Variants in ARCN1 observed in about 807,000 individuals in gnomAD.
ARCN1 encodes coatomer subunit delta.
In ARCN1, 5 loss-of-function variants were observed where a neutral mutation model predicts 60.4. That is an observed-to-expected ratio of 0.08 (90% CI 0.04 to 0.17). ARCN1 has a LOEUF of 0.17. Ranked by LOEUF, ARCN1 falls within the 10% of genes least tolerant of loss-of-function variation. ARCN1 has a pLI of 1.00. For missense variants in ARCN1, 464 were observed against 626.5 expected (o/e 0.74, Z 2.77); for synonymous variants, 224 against 220.0 (o/e 1.02, Z -0.16).
At chr11:118,598,955 G>T (rs1028394807) in intron 9 of ARCN1, among the ~76,000 whole-genome samples, 1 of 149,372 alleles carries the variant, frequency 6.7e-6, no homozygotes, top group Non-Finnish European at 1.5e-5. Context: ...CACCATGCCT[G>T]GCTAATTTTT....
intron 2 of ARCN1, among the ~76,000 whole-genome samples, chr11:118,582,070 G>GA (rs1938668283): frequency 6.6e-6 from 1 of 152,096 alleles, no homozygotes; most frequent in Non-Finnish European, 1.5e-5. Context: ...GAGGCAGAAG[G>GA]ATTGCTTGAG....
At chr11:118,594,534 TTTTA>T (rs1217047846) in intron 8 of ARCN1, among the ~76,000 whole-genome samples, 3 of 151,934 alleles carry the variant, frequency 2.0e-5, no homozygotes, top group Admixed American at 6.6e-5. Flanking sequence ...CTGGAGCTGT[TTTTA>T]TTTATTTATT....
chr11:118,579,484 C>A (rs1038984191), intron 1 of ARCN1, among the ~76,000 whole-genome samples: 2 of 146,402 alleles, frequency 1.4e-5, no homozygotes, highest in African/African-American at 5.1e-5. Flanking sequence ...CCAGCCTGGC[C>A]AACCAACATG....
chr11:118,573,989 A>G (rs1348072934), intron 1 of ARCN1, among the ~76,000 whole-genome samples: 1 of 152,228 alleles, frequency 6.6e-6, no homozygotes, highest in Admixed American at 6.5e-5. Flanking sequence ...CTTGTATTAT[A>G]TAAACCAGAT....
intron 9 of ARCN1, among the ~76,000 whole-genome samples, chr11:118,598,999 G>A (rs1374884401): frequency 6.6e-6 from 1 of 151,710 alleles, no homozygotes; most frequent in African/African-American, 2.4e-5. Context: ...TCACCATATC[G>A]GTCAGGCTGG....
intron 2 of ARCN1, among the ~76,000 whole-genome samples, chr11:118,582,657 T>C (rs557058933): frequency 2.0e-3 from 261 of 133,576 alleles, no homozygotes; most frequent in Middle Eastern, 8.4e-3. Context: ...ACCCAGGAGG[T>C]GGGGGTTGCA....
At position 118,581,929 on chromosome 11, in the gene ARCN1, G is replaced by GACACACACACACAC. The variant is rs1179195532; in HGVS notation, c.267+423_267+424insCACACACACACACA. Among the ~76,000 whole-genome samples the GACACACACACACAC allele has an allele frequency of 7.8e-3, 1,030 of 132,334 alleles. 17 individuals are homozygous for GACACACACACACAC. Among genetic ancestry groups the GACACACACACACAC allele is most frequent in the East Asian group, 0.047 (148 of 3,170 alleles). The allele number at this position is 132,334 out of a possible 152,430, so 86.8% of individuals were successfully genotyped here. The stretch of plus-strand genomic sequence containing the variant: ...AGACTTACTGATCCAGAGACAGACA[G>GACACACACACACAC]ACAGACAGACACACACACACACACA... On this transcript the variant is annotated intron_variant, in intron 2 of 9. Coordinates refer to ENST00000264028, the MANE Select transcript of ARCN1 (RefSeq NM_001655.5).
At position 118,581,325 on chromosome 11, in the gene ARCN1, G is replaced by A. The variant is rs1329762657; in HGVS notation, c.83G>A (p.Arg28Gln). The A allele has an allele frequency of 7.4e-6, 12 of 1,614,060 alleles. No individual in the cohort carries two copies. The highest frequency in any genetic ancestry group is 2.2e-5 in the South Asian group (2 of 91,076). Residue 28 changes from arginine to glutamine, a missense_variant, in exon 2 of 10, where the codon CGG becomes CAG. Transcript: ENST00000264028. ...CAGTTTGTGGAAATGACCCGAACTC[G>A]GATTGAGGGCTTATTAGCAGCTTTT... ...SRQFVEMTRT[R>Q]IEGLLAAFPK...
At chr11:118,582,450 C>T (rs1165505947) in intron 2 of ARCN1, among the ~76,000 whole-genome samples, 3 of 151,142 alleles carry the variant, frequency 2.0e-5, no homozygotes, top group Admixed American at 6.6e-5. Flanking sequence ...GGGTCTTGGG[C>T]GTGGTGGCTC....
At chr11:118,573,450 C>G (rs1222640900) in intron 1 of ARCN1, among the ~76,000 whole-genome samples, 1 of 152,210 alleles carries the variant, frequency 6.6e-6, no homozygotes, top group African/African-American at 2.4e-5. Context: ...GAAATCAGAA[C>G]TGCTGACATC....
intron 1 of ARCN1, among the ~76,000 whole-genome samples, chr11:118,573,352 C>T (rs1299544167): frequency 1.3e-5 from 2 of 152,232 alleles, no homozygotes; most frequent in South Asian, 2.1e-4. Flanking sequence ...GGTTAGCCTC[C>T]GAGACCAGTT....
chr11:118,589,048 C>T (rs1555075876), intron 5 of ARCN1, among the ~76,000 whole-genome samples: 1 of 152,068 alleles, frequency 6.6e-6, no homozygotes, highest in Non-Finnish European at 1.5e-5. Flanking sequence ...GCTAAAAAAA[C>T]TATCAGTGTA....
At chr11:118,573,267 T>C (rs560987071) in intron 1 of ARCN1, among the ~76,000 whole-genome samples, 4 of 152,204 alleles carry the variant, frequency 2.6e-5, no homozygotes, top group African/African-American at 9.7e-5. Context: ...AAGGAACTTA[T>C]TGTCCAGGTG....
Position 118,595,791 on chromosome 11 carries a change from G to A in ARCN1, c.1242-1916G>A, listed in dbSNP as rs577830249. Among the ~76,000 whole-genome samples the A allele has an allele frequency of 8.5e-5, 13 of 152,362 alleles. No homozygotes were observed. The South Asian group carries it at 2.7e-3, about 32-fold the overall frequency. The stretch of plus-strand genomic sequence containing the variant: ...CAGAGAAAATGGTACTAATTTGCCA[G>A]GCGCAGTGGCTCACGCCTGTAATCC... On this transcript the variant is annotated intron_variant, in intron 8 of 9. Transcript: ENST00000264028.
intron 8 of ARCN1, among the ~76,000 whole-genome samples, chr11:118,597,215 A>G (rs1939045398): frequency 6.6e-6 from 1 of 152,194 alleles, no homozygotes; most frequent in African/African-American, 2.4e-5. Flanking sequence ...CAAAAAACAA[A>G]TGAACAAGAA....
At chr11:118,580,062 C>T (rs1938616750) in intron 1 of ARCN1, among the ~76,000 whole-genome samples, 1 of 152,182 alleles carries the variant, frequency 6.6e-6, no homozygotes, top group Non-Finnish European at 1.5e-5. Context: ...GTGACTCATG[C>T]TTGTAATCCC....
chr11:118,599,391 C>T (rs1049719318), intron 9 of ARCN1, among the ~76,000 whole-genome samples: 16 of 151,732 alleles, frequency 1.1e-4, no homozygotes, highest in South Asian at 6.2e-4. Flanking sequence ...GCGCTCGGCC[C>T]GGATCATTAT....
chr11:118,581,927 C>CAGAT (rs1165654454), intron 2 of ARCN1, among the ~76,000 whole-genome samples: 1 of 139,728 alleles, frequency 7.2e-6, no homozygotes, highest in African/African-American at 2.6e-5. Context: ...CAGAGACAGA[C>CAGAT]AGACAGACAG....
intron 5 of ARCN1, among the ~76,000 whole-genome samples, chr11:118,590,112 T>C (rs782351933): frequency 7.2e-5 from 11 of 152,148 alleles, no homozygotes; most frequent in Non-Finnish European, 1.5e-4. Context: ...TCTCCTGCCT[T>C]AGCCTCCCAA....
Sources: allele counts gnomAD v4.1 joint callset (sites outside exome capture counted in the v4.1 genomes callset), GRCh38; gene constraint gnomAD v4.1.1; transcripts MANE v1.5; gene names NCBI Gene and HGNC (gene_info 2026-07-23, HGNC 2026-07-21).